ARHGAP18: variants seen among roughly 807,000 people sequenced by gnomAD.
ARHGAP18 encodes the protein rho GTPase-activating protein 18.
A neutral mutation model predicts 86.2 loss-of-function variants in ARHGAP18; 67 were observed. That is an observed-to-expected ratio of 0.78 (90% CI 0.64 to 0.95). The LOEUF is 0.95. ARHGAP18 is among the 40% of genes least tolerant of loss of function. The probability of loss-of-function intolerance (pLI) is 0.00; values close to 1 mark genes in which losing one functional copy is unlikely to be tolerated. For synonymous variants in ARHGAP18, 283 were observed against 280.4 expected (o/e 1.01, Z -0.09); for missense variants, 691 against 780.4 (o/e 0.89, Z 1.37).
At chr6:129,629,257 A>G in intron 5 of ARHGAP18, 96 bp downstream of exon 5, 1 of 1,019,766 alleles carries the variant, frequency 9.8e-7, no homozygotes, top group Non-Finnish European at 1.4e-6. Flanking sequence ...CTATATATAT[A>G]TATATGTGTG....
At chr6:129,675,423 G>A (rs1774214718) in intron 1 of ARHGAP18, among the ~76,000 whole-genome samples, 1 of 151,590 alleles carries the variant, frequency 6.6e-6, no homozygotes, top group Admixed American at 6.6e-5. Flanking sequence ...GCAATAGGTG[G>A]ACGTTAGTTC....
chr6:129,694,565 A>G (rs1463551013), intron 1 of ARHGAP18, among the ~76,000 whole-genome samples: 2 of 152,214 alleles, frequency 1.3e-5, no homozygotes, highest in Non-Finnish European at 2.9e-5. Flanking sequence ...TCTAAAACAT[A>G]CACAACAAAA....
rs534637388 is a variant in ARHGAP18, at chr6:129,649,917, T to G, written c.114-7899A>C. 2.8e-3 allele frequency among the ~76,000 whole-genome samples: 414 copies of G among 149,716 alleles called. 3 individuals are homozygous for G. The highest frequency in any genetic ancestry group is 3.4e-3 in the Middle Eastern group (1 of 292). On this transcript the variant is annotated intron_variant, in intron 1 of 14. Coordinates refer to ENST00000368149, the MANE Select transcript of ARHGAP18 (RefSeq NM_033515.3). ...CTACTTCGTCTTCTTTTTTTTTGTT[T>G]TTTTTTTTTTTGGAGACGGAGTTCC...
intron 1 of ARHGAP18, among the ~76,000 whole-genome samples, chr6:129,643,282 C>T (rs1417631315): frequency 6.6e-6 from 1 of 152,078 alleles, no homozygotes; most frequent in African/African-American, 2.4e-5. Context: ...CCCCATGAGT[C>T]CTGGGGGGAC....
At chr6:129,634,199 A>T in intron 3 of ARHGAP18, 94 bp from the exon 4 acceptor site, 17 of 1,017,334 alleles carry the variant, frequency 1.7e-5, no homozygotes, top group Non-Finnish European at 2.4e-5. Flanking sequence ...TTAGAGTACA[A>T]GACATGTACT....
intron 12 of ARHGAP18, among the ~76,000 whole-genome samples, chr6:129,589,733 G>A (rs555994174): frequency 1.4e-3 from 207 of 152,238 alleles, no homozygotes; most frequent in Middle Eastern, 3.4e-3. Context: ...TTCTTGAAAA[G>A]GACAGAACTC....
intron 3 of ARHGAP18, among the ~76,000 whole-genome samples, chr6:129,636,075 A>G (rs1773328490): frequency 6.6e-6 from 1 of 152,210 alleles, no homozygotes; most frequent in Non-Finnish European, 1.5e-5. Context: ...GGGTTCTCCA[A>G]TTGGGAAGAA....
intron 13 of ARHGAP18, among the ~76,000 whole-genome samples, chr6:129,580,732 G>A (rs550596944): frequency 2.6e-4 from 40 of 152,194 alleles, no homozygotes; most frequent in South Asian, 2.1e-4. Flanking sequence ...AAATTTAGCC[G>A]TGCATGGTGG....
chr6:129,638,821 T>C (rs1309466559), intron 2 of ARHGAP18, among the ~76,000 whole-genome samples, 192 bp from the exon 3 acceptor site: 1 of 152,212 alleles, frequency 6.6e-6, no homozygotes, highest in African/African-American at 2.4e-5. Context: ...TGATTTCATA[T>C]ATACTCAATT....
chr6:129,606,445 A>T (rs1401081523), intron 9 of ARHGAP18, among the ~76,000 whole-genome samples: 1 of 152,182 alleles, frequency 6.6e-6, no homozygotes, highest in African/African-American at 2.4e-5. Context: ...ATGCCTGTGG[A>T]ATAAATTAGA....
rs1773277996 is a variant in ARHGAP18 at position 129,634,059 on chromosome 6, T to C, written c.599A>G (p.Lys200Arg). 6.2e-7 allele frequency: 1 copy of C among 1,612,970 alleles called. No individual in the cohort carries two copies. The highest frequency in any genetic ancestry group is 8.5e-7 in the Non-Finnish European group (1 of 1,179,726). ...CAACATACCATCTCTTCCTTGGTAT[T>C]TGTTTTCATTTGTTCTAAGTGACTG... ...ESQSLRTNEN[K>R]YQGRDDEASN... is the part of the protein sequence containing the mutation. Residue 200 changes from lysine to arginine, a missense_variant, in exon 4 of 15, where the codon AAA becomes AGA. Physicochemically the swap from Lys to Arg is conservative, Grantham distance 26. Coordinates refer to ENST00000368149, the MANE Select transcript of ARHGAP18 (RefSeq NM_033515.3).
intron 1 of ARHGAP18, among the ~76,000 whole-genome samples, chr6:129,654,208 TG>T (rs1243450790): frequency 6.6e-6 from 1 of 151,832 alleles, no homozygotes; most frequent in Non-Finnish European, 1.5e-5. Context: ...CTGAAAAAGG[TG>T]AGGGGAGGAG....
At chr6:129,695,639 T>C (rs983993541) in intron 1 of ARHGAP18, among the ~76,000 whole-genome samples, 7 of 152,196 alleles carry the variant, frequency 4.6e-5, no homozygotes, top group African/African-American at 1.7e-4. Flanking sequence ...TAGTGAAGGT[T>C]TATTTCCCTA....
At chr6:129,608,084 A>AG (rs754530963) in intron 8 of ARHGAP18, 32 bp from the exon 9 acceptor site, 2 of 1,524,334 alleles carry the variant, frequency 1.3e-6, no homozygotes, top group East Asian at 2.4e-5. Flanking sequence ...AAAAAAAAAA[A>AG]AAGAAGCAGC....
At chr6:129,652,187 T>G (rs978826941) in intron 1 of ARHGAP18, among the ~76,000 whole-genome samples, 25 of 152,368 alleles carry the variant, frequency 1.6e-4, no homozygotes, top group African/African-American at 4.1e-4. Context: ...TCTGAAGTTC[T>G]CCAGGGTTTG....
intron 13 of ARHGAP18, among the ~76,000 whole-genome samples, chr6:129,581,381 T>A (rs1045872203): frequency 3.3e-5 from 5 of 152,204 alleles, no homozygotes; most frequent in African/African-American, 1.2e-4. Flanking sequence ...ACAGTGTAGG[T>A]TTATCTTTTA....
intron 1 of ARHGAP18, among the ~76,000 whole-genome samples, chr6:129,693,615 G>A (rs532192253): frequency 1.1e-4 from 17 of 152,238 alleles, no homozygotes; most frequent in African/African-American, 4.1e-4. Context: ...CCTGTGAACT[G>A]AGGCCCCACT....
Position 129,580,151 on chromosome 6 carries a change from C to A in ARHGAP18, c.1839-20G>T. ...ACCCCACTATGAGGGACAAAACAAACCGATTAGTTGTATCATCAAACAGCT... is the reference window on the plus strand; with the variant it reads ...ACCCCACTATGAGGGACAAAACAAAACGATTAGTTGTATCATCAAACAGCT... On this transcript the variant is annotated intron_variant, in intron 13 of 14. Coordinates refer to ENST00000368149, the MANE Select transcript of ARHGAP18 (RefSeq NM_033515.3). 6.2e-7 allele frequency: 1 copy of A among 1,606,524 alleles called. No individual in the cohort carries two copies. The highest frequency in any genetic ancestry group is 8.5e-7 in the Non-Finnish European group (1 of 1,173,942).
intron 1 of ARHGAP18, among the ~76,000 whole-genome samples, chr6:129,655,328 AAAAAAAAAAAAAAG>A (rs1773807421): frequency 1.6e-5 from 2 of 125,864 alleles, no homozygotes; most frequent in African/African-American, 5.5e-5. Context: ...AAAAAAAAAA[AAAAAAAAAAAAAAG>A]AAAAGAAAAG....
Sources: gnomAD v4.1 joint callset for allele counts (sites outside exome capture counted in the v4.1 genomes callset) on GRCh38, gnomAD v4.1.1 for gene constraint, MANE v1.5 for transcripts, NCBI Gene and HGNC (gene_info 2026-07-23, HGNC 2026-07-21) for gene names.